SERPINA11: variants seen among roughly 807,000 people sequenced by gnomAD.
SERPINA11 encodes serpin family A member 11.
A neutral mutation model predicts 29.4 loss-of-function variants in SERPINA11; 28 were observed. The observed-to-expected ratio is 0.95, with a 90% CI of 0.70 to 1.30. The LOEUF is 1.30. Ranked by LOEUF, SERPINA11 falls within the 50% of genes most tolerant of loss-of-function variation. SERPINA11 has a pLI of 0.00. For missense variants in SERPINA11, 530 were observed against 507.3 expected, an observed-to-expected ratio of 1.04 and a Z score of -0.43; for synonymous variants, 253 against 206.6, an observed-to-expected ratio of 1.22 and a Z score of -1.92.
intron 2 of SERPINA11, 82 bp downstream of exon 2, chr14:94,448,050 A>T: frequency 7.4e-7 from 1 of 1,352,818 alleles, no homozygotes; most frequent in Admixed American, 1.9e-5. Flanking sequence ...GTGGTTAGCA[A>T]AGAACCTATT....
chr14:94,448,108 T>G (rs1247774781), intron 2 of SERPINA11, 24 bp downstream of exon 2: 5 of 1,604,280 alleles, frequency 3.1e-6, no homozygotes. Context: ...GCAGTGGCAA[T>G]AATTCTGTCA....
In SERPINA11 at chr14:94,446,549, A is replaced by C; in HGVS notation, c.699T>G (p.Phe233Leu). ...RYQTQKQESFFVDERTSLQVP... is the reference protein window; with the variant it reads ...RYQTQKQESFLVDERTSLQVP... ...CCTGGAGAGAAGTCCTCTCATCCAC[A>C]AAGAAACTTTCCTGCTTCTGGGTCT... The change falls in exon 3 of 5, where the codon TTT becomes TTG. Residue 233 changes from phenylalanine to leucine, a missense_variant. Transcript: ENST00000334708. The C allele has an allele frequency of 6.2e-7, 1 of 1,614,210 alleles. No individual in the cohort carries two copies. The highest frequency in any genetic ancestry group is 8.5e-7 in the Non-Finnish European group (1 of 1,180,036).
At chr14:94,443,774 T>G (rs1012441824) in intron 3 of SERPINA11, among the ~76,000 whole-genome samples, 2 of 152,192 alleles carry the variant, frequency 1.3e-5, no homozygotes, top group Non-Finnish European at 2.9e-5. Context: ...TGTGAGGATC[T>G]GATGGGAGAT....
intron 3 of SERPINA11, 113 bp downstream of exon 3, chr14:94,446,218 C>A: frequency 9.7e-7 from 1 of 1,034,044 alleles, no homozygotes; most frequent in Non-Finnish European, 1.4e-6. Context: ...TAGTAAAGGA[C>A]AAGATGGTGA....
chr14:94,449,425 CTTTCTTTCTTTCTTTCT>C (rs1566784622), intron 1 of SERPINA11, among the ~76,000 whole-genome samples: 1 of 90,574 alleles, frequency 1.1e-5, no homozygotes, highest in Non-Finnish European at 2.0e-5. Context: ...TTCTTTCTTT[CTTTCTTTCTTTCTTTCT>C]TTCTTTCTTT....
chr14:94,446,551 A>G lies in SERPINA11; in HGVS notation c.697T>C (p.Phe233Leu). ...TGGAGAGAAGTCCTCTCATCCACAA[A>G]GAAACTTTCCTGCTTCTGGGTCTGG... is the stretch of plus-strand genomic sequence containing the variant. ...RYQTQKQESFFVDERTSLQVP... is the reference protein window; with the variant it reads ...RYQTQKQESFLVDERTSLQVP... The change falls in exon 3 of 5, where the codon TTT (phenylalanine) becomes CTT (leucine). Residue 233 changes from phenylalanine to leucine, a missense_variant. Transcript: ENST00000334708. 2 of 1,614,192 alleles carry G rather than the reference A, an allele frequency of 1.2e-6. No individual in the cohort carries two copies. The highest frequency in any genetic ancestry group is 1.1e-5 in the South Asian group (1 of 91,082).
At chr14:94,450,919 T>A (rs935216183) in intron 1 of SERPINA11, among the ~76,000 whole-genome samples, 2 of 152,056 alleles carry the variant, frequency 1.3e-5, no homozygotes, top group Admixed American at 1.3e-4. Context: ...TGCAGAAGAC[T>A]CATGACCACA....
intron 1 of SERPINA11, among the ~76,000 whole-genome samples, chr14:94,449,250 C>T (rs887106175): frequency 2.6e-5 from 4 of 151,850 alleles, no homozygotes; most frequent in Admixed American, 2.0e-4. Context: ...GTGGGAGAAT[C>T]GCTTGGGCCT....
chr14:94,442,930 C>T, intron 4 of SERPINA11, 121 bp from the exon 5 acceptor site: 2 of 1,264,786 alleles, frequency 1.6e-6, no homozygotes, highest in Non-Finnish European at 2.2e-6. Flanking sequence ...AGGAAAAGCC[C>T]ATGAAGAGAT....
At chr14:94,447,397 C>T (rs1049199431) in intron 2 of SERPINA11, among the ~76,000 whole-genome samples, 1 of 152,150 alleles carries the variant, frequency 6.6e-6, no homozygotes, top group African/African-American at 2.4e-5. Flanking sequence ...GCTGATTCTA[C>T]CTCCAAAACC....
chr14:94,450,525 T>G lies in SERPINA11; in HGVS notation c.-3-1748A>C, dbSNP rs1003887577. On this transcript the variant is annotated intron_variant, in intron 1 of 4. Transcript: ENST00000334708. ...GCTAGGAAAGGAGCCTGGAGCAGAT[T>G]CTCCTTCACAGCCTCAGAAGGCACC... Among the ~76,000 whole-genome samples, 12 of 152,216 alleles carry G rather than the reference T, an allele frequency of 7.9e-5. No homozygotes were observed. In the South Asian group the frequency reaches 2.3e-3, roughly 29 times the overall value.
At position 94,448,672 on chromosome 14, in the gene SERPINA11, G is replaced by T. The variant is rs1460834021; in HGVS notation, c.103C>A (p.Pro35Thr). The change falls in exon 2 of 5, where the codon CCC becomes ACC. Residue 35 changes from proline to threonine, a missense_variant. By Grantham distance (38) the Pro-to-Thr change is conservative. Transcript: ENST00000334708. Reference protein sequence around the residue: ...HGDKSLQGPQPPRHQLSEPAP... With the variant: ...HGDKSLQGPQTPRHQLSEPAP... ...GGCTCTGAGAGCTGATGCCTGGGGG[G>T]TTGAGGCCCCTGCAGACTTTTATCT... 40 of 1,571,362 alleles carry T rather than the reference G, an allele frequency of 2.5e-5. No individual in the cohort carries two copies. Among genetic ancestry groups the T allele is most frequent in the Non-Finnish European group, 3.3e-5 (38 of 1,159,148 alleles).
At position 94,448,664 on chromosome 14, in the gene SERPINA11, C is replaced by G. The variant is rs556274873; in HGVS notation, c.111G>C (p.Arg37Ser). 332 of 1,582,374 alleles carry G rather than the reference C, an allele frequency of 2.1e-4. 3 individuals are homozygous for G. The South Asian group carries it at 3.3e-3, about 16-fold the overall frequency. ...CGGGGGCTGGCTCTGAGAGCTGATG[C>G]CTGGGGGGTTGAGGCCCCTGCAGAC... ...DKSLQGPQPP[R>S]HQLSEPAPAY... The change falls in exon 2 of 5, where the codon AGG becomes AGC. Residue 37 changes from arginine to serine, a missense_variant. Coordinates refer to ENST00000334708, the MANE Select transcript of SERPINA11 (RefSeq NM_001080451.2).
At chr14:94,451,001 C>T in intron 1 of SERPINA11, among the ~76,000 whole-genome samples, 1 of 152,260 alleles carries the variant, frequency 6.6e-6, no homozygotes, top group East Asian at 1.9e-4. Context: ...CCTTCAAATC[C>T]AACTCTTCCA....
chr14:94,448,821 T>C (rs763751612), intron 1 of SERPINA11, 44 bp from the exon 2 acceptor site: 52 of 1,488,336 alleles, frequency 3.5e-5, no homozygotes, highest in Non-Finnish European at 4.7e-5. Flanking sequence ...CCATAAATAA[T>C]GTCATGATTC....
At chr14:94,445,644 C>T (rs1471687789) in intron 3 of SERPINA11, among the ~76,000 whole-genome samples, 3 of 152,212 alleles carry the variant, frequency 2.0e-5, no homozygotes, top group African/African-American at 2.4e-5. Flanking sequence ...TCATAGCTCA[C>T]TGTAACCTCA....
chr14:94,450,190 G>A (rs957547396), intron 1 of SERPINA11, among the ~76,000 whole-genome samples: 1 of 152,150 alleles, frequency 6.6e-6, no homozygotes, highest in African/African-American at 2.4e-5. Flanking sequence ...TTGCCTCAGG[G>A]CTGTGGGGAT....
intron 1 of SERPINA11, among the ~76,000 whole-genome samples, chr14:94,450,747 C>T (rs923851825): frequency 6.6e-6 from 1 of 152,130 alleles, no homozygotes; most frequent in Non-Finnish European, 1.5e-5. Flanking sequence ...CAAAGTGGTA[C>T]AGGAGCAGGA....
Position 94,449,454 on chromosome 14 carries a change from TTTCTTTCTTTCTTTC to T in SERPINA11, c.-3-692_-3-678del, listed in dbSNP as rs1898533617. On this transcript the variant is annotated intron_variant, in intron 1 of 4. Coordinates refer to ENST00000334708, the MANE Select transcript of SERPINA11 (RefSeq NM_001080451.2). The stretch of plus-strand genomic sequence containing the variant: ...CTTTCTTTCTTTCTTTCTTTCTTTC[TTTCTTTCTTTCTTTC>T]TTTCTTTCTTTCTGTCTGTCTGTCT... Among the ~76,000 whole-genome samples, 5 of 116,826 alleles carry T rather than the reference TTTCTTTCTTTCTTTC, an allele frequency of 4.3e-5. 1 individual carries two copies. The highest frequency in any genetic ancestry group is 2.6e-4 in the Admixed American group (3 of 11,614). 76.6% of individuals were successfully genotyped at this position (116,826 alleles called of 152,430 possible).
Sources: allele counts gnomAD v4.1 joint callset (sites outside exome capture counted in the v4.1 genomes callset), GRCh38; gene constraint gnomAD v4.1.1; transcripts MANE v1.5; gene names NCBI Gene and HGNC (gene_info 2026-07-23, HGNC 2026-07-21).